Variants in GALNT15 observed in about 807,000 individuals in gnomAD.
GALNT15 encodes the protein polypeptide N-acetylgalactosaminyltransferase 15.
GALNT15 carries 67 observed loss-of-function variants against 66.8 expected under a neutral mutation model. The observed-to-expected ratio is 1.00, with a 90% CI of 0.82 to 1.23. The LOEUF is 1.23. Among genes scored for constraint, GALNT15 ranks in the 50% most tolerant of loss-of-function variants. The pLI, the probability that GALNT15 is intolerant of heterozygous loss-of-function variation, is 0.00. For synonymous variants in GALNT15, 313 were observed against 311.5 expected (o/e 1.00, Z -0.05); for missense variants, 827 against 804.3 (o/e 1.03, Z -0.34).
At chr3:16,233,092 A>ATTTTTTTTTTTTTTTTTTTTT (rs771943641), downstream of GALNT15, among the ~76,000 whole-genome samples, 16 of 48,060 alleles carry the variant, frequency 3.3e-4, no homozygotes, top group South Asian at 7.9e-4. Flanking sequence ...AGGATAATGC[A>ATTTTTTTTTTTTTTTTTTTTT]TCTTTTTTTT....
At position 16,211,196 on chromosome 3, in the gene GALNT15, T is replaced by G. The variant is rs2063810928; in HGVS notation, c.1152T>G (p.Ser384=). Residue 384 remains serine (S), a synonymous_variant, in exon 5 of 10, where the codon TCT becomes TCG. Transcript: ENST00000339732. This position sits in a 1 kb window ranked among gnomAD's most constrained non-coding sequence, Gnocchi z 4.3. ...TCCAAAACACTGGAGCGTATGACTCTCTTATGTCGCTGCGAGGTGGTGAAA... is the reference window on the plus strand; with the variant it reads ...TCCAAAACACTGGAGCGTATGACTCGCTTATGTCGCTGCGAGGTGGTGAAA... The part of the protein sequence containing the change: ...HYFQNTGAYD[S]LMSLRGGENL... The G allele has an allele frequency of 1.2e-6, 2 of 1,613,878 alleles. No individual in the cohort carries two copies. The highest frequency in any genetic ancestry group is 2.7e-5 in the African/African-American group (2 of 74,914).
In GALNT15 at chr3:16,200,574, T is replaced by C. The variant is rs962488322; in HGVS notation, c.707-45T>C. On this transcript the variant is annotated intron_variant, in intron 2 of 9. Coordinates refer to ENST00000339732, the MANE Select transcript of GALNT15 (RefSeq NM_054110.5). The surrounding 1 kb of genome is among the most constrained non-coding windows in gnomAD (Gnocchi z 4.4). Reference sequence around the variant, plus strand: ...ATTGTCTTAGTCACAATCTCATCGGTTGTGGCATTTGTCATTCCACTGACC... The same window carrying C: ...ATTGTCTTAGTCACAATCTCATCGGCTGTGGCATTTGTCATTCCACTGACC... The C allele has an allele frequency of 9.2e-6, 13 of 1,409,582 alleles. No individual in the cohort carries two copies. Among genetic ancestry groups the C allele is most frequent in the Non-Finnish European group, 1.2e-5 (13 of 1,051,948 alleles). 87.3% of individuals were successfully genotyped at this position (1,409,582 alleles called of 1,614,324 possible). A position where few individuals can be genotyped will look rare whatever the true frequency, so the allele number is the denominator to read the frequency against.
intron 8 of GALNT15, 58 bp from the exon 9 acceptor site, chr3:16,222,557 T>A: frequency 6.2e-7 from 1 of 1,609,164 alleles, no homozygotes; most frequent in Non-Finnish European, 8.5e-7. Context: ...TTACCTCCTC[T>A]ACAGCTTTGA....
In GALNT15 at chr3:16,195,719, G is replaced by A; in HGVS notation, c.540-41G>A. On this transcript the variant is annotated intron_variant, in intron 1 of 9. Coordinates refer to ENST00000339732, the MANE Select transcript of GALNT15 (RefSeq NM_054110.5). This position sits in a 1 kb window ranked among gnomAD's most constrained non-coding sequence, Gnocchi z 4.6. ...TAGAGGGTGTGGAGTGTTTCTTGTGGCCTTCTCTTCCCCATGGCTCTCTGG... is the reference window on the plus strand; with the variant it reads ...TAGAGGGTGTGGAGTGTTTCTTGTGACCTTCTCTTCCCCATGGCTCTCTGG... 1 of 1,578,328 alleles carries A rather than the reference G, an allele frequency of 6.3e-7. No homozygotes were observed. Among genetic ancestry groups the A allele is most frequent in the Non-Finnish European group, 8.7e-7 (1 of 1,155,554 alleles).
At chr3:16,232,062 T>C, downstream of GALNT15, 3 of 1,056,018 alleles carry the variant, frequency 2.8e-6, no homozygotes, top group African/African-American at 1.6e-5. Flanking sequence ...GGGTGAAAGG[T>C]GAGCACCTCA....
intron 6 of GALNT15, among the ~76,000 whole-genome samples, chr3:16,217,390 C>A (rs1470983112): frequency 6.6e-6 from 1 of 152,216 alleles, no homozygotes; most frequent in Admixed American, 6.5e-5. Flanking sequence ...CTCTGTTGAG[C>A]ATTTCCATTA....
chr3:16,178,498 C>A (rs367753359), intron 1 of GALNT15, among the ~76,000 whole-genome samples: 14 of 152,280 alleles, frequency 9.2e-5, no homozygotes, highest in African/African-American at 3.4e-4. Flanking sequence ...CAGCTTTGTG[C>A]GGAGGTGCTC....
In GALNT15 at chr3:16,225,792, T is replaced by C. The variant is rs534356527; in HGVS notation, c.1774-1562T>C. Among the ~76,000 whole-genome samples the C allele has an allele frequency of 6.0e-4, 91 of 151,722 alleles. No homozygotes were observed. The highest frequency in any genetic ancestry group is 2.1e-3 in the African/African-American group (88 of 41,362). On this transcript the variant is annotated intron_variant, in intron 9 of 9. Coordinates refer to ENST00000339732, the MANE Select transcript of GALNT15 (RefSeq NM_054110.5). This position sits in a 1 kb window ranked among gnomAD's most constrained non-coding sequence, Gnocchi z 4.4. ...AAATATTACACACGGTGCCCAACACTTTGAGAGGCAGAGGTGGGTGGATCA... is the reference window on the plus strand; with the variant it reads ...AAATATTACACACGGTGCCCAACACCTTGAGAGGCAGAGGTGGGTGGATCA...
At chr3:16,179,234 A>AAGGT (rs2063444983) in intron 1 of GALNT15, among the ~76,000 whole-genome samples, 1 of 152,174 alleles carries the variant, frequency 6.6e-6, no homozygotes, top group Non-Finnish European at 1.5e-5. Context: ...GAAAACCTCT[A>AAGGT]AGGTAGGTTT....
At chr3:16,247,345 CA>C in the GALNT15 span, among the ~76,000 whole-genome samples, 1 of 152,314 alleles carries the variant, frequency 6.6e-6, no homozygotes, top group South Asian at 2.1e-4. Flanking sequence ...TGATTTTCAT[CA>C]TGTCTAATTT....
In GALNT15 at chr3:16,198,057, A is replaced by G. The variant is rs1300759623; in HGVS notation, c.706+2131A>G. Among the ~76,000 whole-genome samples the G allele has an allele frequency of 1.4e-5, 2 of 143,018 alleles. 1 individual carries two copies. Among genetic ancestry groups the G allele is most frequent in the Non-Finnish European group, 3.1e-5 (2 of 64,506 alleles). 93.8% of individuals were successfully genotyped at this position (143,018 alleles called of 152,430 possible). A position where few individuals can be genotyped will look rare whatever the true frequency, so the allele number is the denominator to read the frequency against. The stretch of plus-strand genomic sequence containing the variant: ...TTGGTGGGAATATCAGTGAAGGACT[A>G]TATTTGGCTGCACAGAACAGAAACC... On this transcript the variant is annotated intron_variant, in intron 2 of 9. Transcript: ENST00000339732.
At position 16,182,447 on chromosome 3, in the gene GALNT15, A is replaced by G. The variant is rs2063480591; in HGVS notation, c.539+6757A>G. On this transcript the variant is annotated intron_variant, in intron 1 of 9. Transcript: ENST00000339732. This position sits in a 1 kb window ranked among gnomAD's most constrained non-coding sequence, Gnocchi z 6.1. ...TAGGCCACTTTAGGTGACTAAGAACAGAGATGCTCAAGTCACTTAAGGTGA... is the reference window on the plus strand; with the variant it reads ...TAGGCCACTTTAGGTGACTAAGAACGGAGATGCTCAAGTCACTTAAGGTGA... Among the ~76,000 whole-genome samples, 1 of 152,240 alleles carries G rather than the reference A, an allele frequency of 6.6e-6. No individual in the cohort carries two copies. The highest frequency in any genetic ancestry group is 2.1e-4 in the South Asian group (1 of 4,836).
Position 16,225,550 on chromosome 3 carries a change from C to A in GALNT15, c.1774-1804C>A, listed in dbSNP as rs981359801. Among the ~76,000 whole-genome samples the A allele has an allele frequency of 6.6e-6, 1 of 151,290 alleles. No homozygotes were observed. The highest frequency in any genetic ancestry group is 2.0e-4 in the East Asian group (1 of 5,074). ...TTTCTACTAAAAACACAAAAACTAG[C>A]CAGGTGTGGTGGTGCACACCTCTAG... On this transcript the variant is annotated intron_variant, in intron 9 of 9. Transcript: ENST00000339732. The surrounding 1 kb of genome is among the most constrained non-coding windows in gnomAD (Gnocchi z 4.4).
intron 3 of GALNT15, among the ~76,000 whole-genome samples, chr3:16,206,164 G>C (rs563128894): frequency 6.6e-6 from 1 of 151,988 alleles, no homozygotes; most frequent in East Asian, 1.9e-4. Flanking sequence ...ATCACTTTGA[G>C]CTCAGGAGTT....
At chr3:16,235,825 T>G (rs775333676), downstream of GALNT15, among the ~76,000 whole-genome samples, 14 of 151,696 alleles carry the variant, frequency 9.2e-5, no homozygotes, top group African/African-American at 3.4e-4. Flanking sequence ...GGCATTCAGG[T>G]CAGGTGTGGT....
chr3:16,210,362 A>G (rs6782628), intron 4 of GALNT15, among the ~76,000 whole-genome samples: 84,032 of 151,992 alleles, frequency 0.55, 23,412 homozygotes, highest in East Asian at 0.58. Context: ...TAACCTAAAG[A>G]CCAGTAGCTT....
In GALNT15 at chr3:16,228,721, C is replaced by A. The variant is rs1446671488; in HGVS notation, c.*1221C>A. 1.0e-6 allele frequency: 1 copy of A among 985,162 alleles called. No individual in the cohort carries two copies. Among genetic ancestry groups the A allele is most frequent in the Non-Finnish European group, 1.2e-6 (1 of 829,942 alleles). The allele number at this position is 985,162 out of a possible 1,614,324, so 61.0% of individuals were successfully genotyped here. On this transcript the variant is annotated 3_prime_UTR_variant, in exon 10 of 10. Transcript: ENST00000339732. ...GACTGGAGCAGAAACAGCAACCTTT[C>A]TAAAAAAGCAAACCTTTTTCCTGGG... is the stretch of plus-strand genomic sequence containing the variant.
rs2063488346 is a variant in GALNT15 at position 16,183,382 on chromosome 3, T to C, written c.539+7692T>C. ...CTCAGGCCTGGCCTAGAAGTTGGTA[T>C]GGTGTTCCCAAGATAAGTGCCACCA... On this transcript the variant is annotated intron_variant, in intron 1 of 9. Transcript: ENST00000339732. The surrounding 1 kb of genome is among the most constrained non-coding windows in gnomAD (Gnocchi z 5.2). The C allele has an allele frequency of 1.3e-5, 2 of 152,380 alleles. No individual in the cohort carries two copies. The highest frequency in any genetic ancestry group is 1.9e-4 in the East Asian group (1 of 5,188). 9.4% of individuals were successfully genotyped at this position (152,380 alleles called of 1,614,324 possible).
chr3:16,217,085 A>G (rs1405494032), intron 6 of GALNT15, among the ~76,000 whole-genome samples: 1 of 152,088 alleles, frequency 6.6e-6, no homozygotes, highest in Admixed American at 6.5e-5. Context: ...CTAATAAAAC[A>G]CTCTGACCTC....
Sources: allele counts gnomAD v4.1 joint callset (sites outside exome capture counted in the v4.1 genomes callset), GRCh38; gene constraint gnomAD v4.1.1; non-coding constraint Gnocchi (gnomAD v3.1); transcripts MANE v1.5; gene names NCBI Gene and HGNC (gene_info 2026-07-23, HGNC 2026-07-21).